HLTF: variants seen among roughly 807,000 people sequenced by gnomAD.
The protein encoded by HLTF is helicase like transcription factor.
A neutral mutation model predicts 129.4 loss-of-function variants in HLTF; 127 were observed. The observed-to-expected ratio is 0.98, with a 90% CI of 0.85 to 1.14. The LOEUF is 1.14. Ranked by LOEUF, HLTF falls within the 50% of genes most tolerant of loss-of-function variation. HLTF has a pLI of 0.00. For synonymous variants in HLTF, 332 were observed against 388.8 expected (o/e 0.85, Z 1.72); for missense variants, 1,139 against 1,187.1 (o/e 0.96, Z 0.60).
chr3:149,041,963 G>C (rs1228483469), intron 19 of HLTF: 2 of 590,826 alleles, frequency 3.4e-6, no homozygotes, highest in Non-Finnish European at 6.1e-6. Flanking sequence ...TCTATCACCG[G>C]AATTCCTGGA....
At chr3:149,055,200 A>C (rs989220628) in intron 14 of HLTF, 103 bp downstream of exon 14, 1 of 731,452 alleles carries the variant, frequency 1.4e-6, no homozygotes, top group Non-Finnish European at 2.2e-6. Context: ...CGAACTGATG[A>C]CCAAGTATAT....
At position 149,075,967 on chromosome 3, in the gene HLTF, C is replaced by T; in HGVS notation, c.309G>A (p.Val103=). The T allele has an allele frequency of 6.3e-7, 1 of 1,582,800 alleles. No homozygotes were observed. The highest frequency in any genetic ancestry group is 1.7e-5 in the Admixed American group (1 of 59,774). Residue 103 remains valine, a synonymous_variant, in exon 3 of 25, where the codon GTG becomes GTA. Coordinates refer to ENST00000310053, the MANE Select transcript of HLTF (RefSeq NM_003071.4). ...TTAAATGGCCAACTTGATTTCCATT[C>T]ACATTGTTTACTTTAATTGCATTCT... ...YDKNAIKVNN[V]NGNQVGHLKK... is the part of the protein sequence containing the mutation.
chr3:149,065,772 G>A (rs1413806179), intron 8 of HLTF, among the ~76,000 whole-genome samples: 1 of 152,140 alleles, frequency 6.6e-6, no homozygotes, highest in Non-Finnish European at 1.5e-5. Flanking sequence ...GGAGGTTGTA[G>A]TGAGCCAAGG....
Position 149,032,332 on chromosome 3 carries a change from A to C in HLTF, c.2918T>G (p.Ile973Arg). ...TGCAAGTTCTCTCTTTTTGTTTTGT[A>C]TTTTCAGCATATTTTCTTCAACAGA... ...KDSVEENMLK[I>R]QNKKRELAAG... is the part of the protein sequence containing the mutation. The change falls in exon 25 of 25, where the codon ATA becomes AGA. Residue 973 changes from isoleucine to arginine, a missense_variant. Coordinates refer to ENST00000310053, the MANE Select transcript of HLTF (RefSeq NM_003071.4). 6.3e-7 allele frequency: 1 copy of C among 1,587,524 alleles called. No homozygotes were observed. Among genetic ancestry groups the C allele is most frequent in the Non-Finnish European group, 8.6e-7 (1 of 1,167,592 alleles).
chr3:149,030,304 T>C lies in HLTF; in HGVS notation c.*1916A>G, dbSNP rs1308964349. The C allele has an allele frequency of 1.3e-5, 2 of 152,078 alleles. No individual in the cohort carries two copies. The highest frequency in any genetic ancestry group is 2.4e-5 in the African/African-American group (1 of 41,430). The allele number at this position is 152,078 out of a possible 1,614,324, so 9.4% of individuals were successfully genotyped here. On this transcript the variant is annotated 3_prime_UTR_variant, in exon 25 of 25. Transcript: ENST00000310053. ...TTCATTCCAGTGGCTTTTTTATATA[T>C]TTATCCTTCTTAGGAAGGACAAATT... is the stretch of plus-strand genomic sequence containing the variant.
chr3:149,067,449 A>G (rs529137529), intron 8 of HLTF, among the ~76,000 whole-genome samples: 9 of 152,294 alleles, frequency 5.9e-5, no homozygotes, highest in Middle Eastern at 3.4e-3. Flanking sequence ...TTTTATGGCT[A>G]TATCGTTTAA....
intron 19 of HLTF, chr3:149,041,890 T>C (rs1464989112): frequency 3.5e-6 from 2 of 577,444 alleles, no homozygotes; most frequent in Non-Finnish European, 6.1e-6. Flanking sequence ...CATTATAACA[T>C]GACAATAACA....
intron 22 of HLTF, 93 bp from the exon 23 acceptor site, chr3:149,039,322 TTCAC>T (rs1254578105): frequency 4.2e-6 from 4 of 949,424 alleles, no homozygotes; most frequent in South Asian, 2.4e-5. Flanking sequence ...AATAAATTCT[TTCAC>T]TCATTTATTT....
chr3:149,047,090 T>C (rs112176054), intron 17 of HLTF, among the ~76,000 whole-genome samples: 143 of 152,328 alleles, frequency 9.4e-4, no homozygotes, highest in Admixed American at 3.6e-3. Context: ...TACTAATCTC[T>C]TCTCTATTTC....
intron 17 of HLTF, 104 bp downstream of exon 17, chr3:149,047,923 AG>A (rs775251908): frequency 1.8e-5 from 16 of 899,558 alleles, no homozygotes; most frequent in Non-Finnish European, 2.3e-5. Context: ...ACTTTTTAGA[AG>A]GAAAAGTTAA....
intron 2 of HLTF, among the ~76,000 whole-genome samples, chr3:149,081,532 G>A (rs976181064): frequency 1.3e-5 from 2 of 151,980 alleles, no homozygotes; most frequent in Non-Finnish European, 2.9e-5. Flanking sequence ...AAATTCAAGA[G>A]AGCCTGCCTT....
In HLTF at chr3:149,059,794, C is replaced by T. The variant is rs1717770296; in HGVS notation, c.1299G>A (p.Lys433=). The part of the protein sequence containing the change: ...TKGRAKAGSS[K]VIEDVAFACA... ...ATGCAAATGCCACATCTTCTATAAC[C>T]TTAGAAGATCCTGCTGATAAAACAA... Residue 433 remains lysine (K), a synonymous_variant, in exon 13 of 25, where the codon AAG becomes AAA. Transcript: ENST00000310053. The T allele has an allele frequency of 6.3e-7, 1 of 1,589,580 alleles. No individual in the cohort carries two copies. Among genetic ancestry groups the T allele is most frequent in the Non-Finnish European group, 8.6e-7 (1 of 1,168,042 alleles).
chr3:149,051,631 C>T (rs1479197883), intron 14 of HLTF, among the ~76,000 whole-genome samples: 3 of 152,138 alleles, frequency 2.0e-5, no homozygotes, highest in Admixed American at 6.5e-5. Context: ...GAGGCCAAGG[C>T]GGGTGGATCA....
chr3:149,036,806 T>G (rs1020201526), intron 23 of HLTF, among the ~76,000 whole-genome samples: 1 of 152,182 alleles, frequency 6.6e-6, no homozygotes, highest in Non-Finnish European at 1.5e-5. Context: ...TTTTTATTTT[T>G]TTATTGAATC....
At chr3:149,081,622 C>T (rs948673651) in intron 2 of HLTF, among the ~76,000 whole-genome samples, 12 of 152,088 alleles carry the variant, frequency 7.9e-5, no homozygotes, top group East Asian at 5.8e-4. Context: ...AATATAATCA[C>T]CTTTTTAAAA....
intron 10 of HLTF, among the ~76,000 whole-genome samples, chr3:149,061,297 G>C (rs1264936397): frequency 6.6e-6 from 1 of 152,024 alleles, no homozygotes; most frequent in East Asian, 1.9e-4. Flanking sequence ...TGTAGTCCCA[G>C]CTACTCGGGA....
intron 2 of HLTF, among the ~76,000 whole-genome samples, chr3:149,083,428 T>G (rs1185102261): frequency 1.3e-5 from 2 of 152,218 alleles, no homozygotes; most frequent in African/African-American, 4.8e-5. Context: ...TAGAGATTAT[T>G]CTCAGATCAA....
intron 2 of HLTF, among the ~76,000 whole-genome samples, chr3:149,079,789 C>T (rs1446108516): frequency 6.6e-6 from 1 of 152,108 alleles, no homozygotes; most frequent in East Asian, 1.9e-4. Flanking sequence ...GATGGGGTTT[C>T]ACCATGTTGG....
At chr3:149,042,143 A>AT in intron 19 of HLTF, 23 bp downstream of exon 19, 1 of 1,606,362 alleles carries the variant, frequency 6.2e-7, no homozygotes, top group Non-Finnish European at 8.5e-7. Flanking sequence ...ATACAATGAT[A>AT]TGAAGCAATC....
Sources: allele counts gnomAD v4.1 joint callset (sites outside exome capture counted in the v4.1 genomes callset), GRCh38; gene constraint gnomAD v4.1.1; transcripts MANE v1.5; gene names NCBI Gene and HGNC (gene_info 2026-07-23, HGNC 2026-07-21).